PSD3: variants seen among roughly 807,000 people sequenced by gnomAD.
PSD3 encodes pleckstrin and Sec7 domain containing 3, also known as PH and SEC7 domain-containing protein 3.
In PSD3, 49 loss-of-function variants were observed where a neutral mutation model predicts 105.5. The observed-to-expected ratio is 0.46, with a 90% CI of 0.37 to 0.59. PSD3 has a LOEUF of 0.59. Among genes scored for constraint, PSD3 ranks in the 20% least tolerant of loss-of-function variants. The probability of loss-of-function intolerance (pLI) is 0.00; values close to 1 mark genes in which losing one functional copy is unlikely to be tolerated. For synonymous variants in PSD3, 557 were observed against 457.8 expected, an observed-to-expected ratio of 1.22 and a Z score of -2.77; for missense variants, 1,561 against 1,263.8, an observed-to-expected ratio of 1.24 and a Z score of -3.57.
At chr8:18,711,687 G>A (rs1802266813) in intron 9 of PSD3, among the ~76,000 whole-genome samples, 1 of 152,092 alleles carries the variant, frequency 6.6e-6, no homozygotes, top group Non-Finnish European at 1.5e-5. Flanking sequence ...AATGGGAGAT[G>A]TTAACACCCC....
At chr8:18,552,014 C>A (rs752462104) in intron 15 of PSD3, among the ~76,000 whole-genome samples, 1 of 152,158 alleles carries the variant, frequency 6.6e-6, no homozygotes. Flanking sequence ...AAGGACAAGA[C>A]CTGTCTTTCC....
intron 9 of PSD3, among the ~76,000 whole-genome samples, chr8:18,718,767 G>A (rs533089180): frequency 2.6e-3 from 398 of 152,212 alleles, no homozygotes; most frequent in Non-Finnish European, 4.7e-3. Flanking sequence ...GGAGGTCAAG[G>A]AAATTTTATA....
intron 9 of PSD3, among the ~76,000 whole-genome samples, chr8:18,671,685 G>GACT: frequency 6.6e-6 from 1 of 151,430 alleles, no homozygotes; most frequent in Non-Finnish European, 1.5e-5. Context: ...CAGGCTGGAG[G>GACT]GCAGTGCGCG....
chr8:18,751,743 A>G (rs1219427646), intron 9 of PSD3, among the ~76,000 whole-genome samples: 1 of 150,044 alleles, frequency 6.7e-6, no homozygotes, highest in Non-Finnish European at 1.5e-5. Flanking sequence ...TTTTTATCCC[A>G]TGCCGTACCT....
intron 2 of PSD3, among the ~76,000 whole-genome samples, chr8:18,898,028 G>A (rs1819266115): frequency 2.0e-5 from 3 of 152,138 alleles, no homozygotes; most frequent in African/African-American, 7.2e-5. Flanking sequence ...AAAGTTTGCA[G>A]CTTTCCCCAG....
chr8:18,560,272 G>C (rs1323180208), intron 14 of PSD3, among the ~76,000 whole-genome samples: 1 of 151,436 alleles, frequency 6.6e-6, no homozygotes, highest in African/African-American at 2.4e-5. Flanking sequence ...CGGGAGAGAG[G>C]CTGCAGCCAT....
chr8:18,775,256 C>G (rs1807940756), intron 8 of PSD3, among the ~76,000 whole-genome samples: 1 of 152,160 alleles, frequency 6.6e-6, no homozygotes, highest in African/African-American at 2.4e-5. Flanking sequence ...TATATCCATT[C>G]ATCTATAAAT....
intron 4 of PSD3, among the ~76,000 whole-genome samples, chr8:18,814,246 C>T (rs779818725): frequency 6.6e-6 from 1 of 152,198 alleles, no homozygotes; most frequent in Non-Finnish European, 1.5e-5. Context: ...GATTCTGCCC[C>T]CAGCCCCACC....
intron 15 of PSD3, among the ~76,000 whole-genome samples, chr8:18,539,469 T>C (rs747715972): frequency 6.6e-6 from 1 of 152,160 alleles, no homozygotes; most frequent in Non-Finnish European, 1.5e-5. Context: ...CTAAGACCGA[T>C]TGTGAAATTT....
intron 13 of PSD3, among the ~76,000 whole-genome samples, chr8:18,574,010 A>G (rs1372162289): frequency 6.6e-6 from 1 of 152,192 alleles, no homozygotes; most frequent in Non-Finnish European, 1.5e-5. Context: ...ATCTGATGTG[A>G]TCATATTTTT....
chr8:18,598,995 A>G (rs1804239263), intron 12 of PSD3, among the ~76,000 whole-genome samples: 1 of 152,146 alleles, frequency 6.6e-6, no homozygotes, highest in African/African-American at 2.4e-5. Context: ...TACATATTCA[A>G]TAAAATCCCT....
In PSD3 at chr8:18,947,585, C is replaced by T. The variant is rs543050161; in HGVS notation, c.22-11443G>A. 1.5e-4 allele frequency among the ~76,000 whole-genome samples: 23 copies of T among 152,238 alleles called. No individual in the cohort carries two copies. In the South Asian group the frequency reaches 3.9e-3, roughly 26 times the overall value. ...GGTGGCGGGGGGCCCAGAGCAGAGC[C>T]GCAGTGGCACGAGCTGGCTTCCATC... is the stretch of plus-strand genomic sequence containing the variant. On this transcript the variant is annotated intron_variant, in intron 1 of 15. Coordinates refer to ENST00000327040, the MANE Select transcript of PSD3 (RefSeq NM_015310.4).
chr8:18,914,642 A>C (rs1261050689), intron 2 of PSD3, among the ~76,000 whole-genome samples: 1 of 152,244 alleles, frequency 6.6e-6, no homozygotes. Context: ...ATACTTCAGA[A>C]TAAATCTGAC....
At chr8:18,748,138 G>A (rs1328407774) in intron 9 of PSD3, among the ~76,000 whole-genome samples, 1 of 151,918 alleles carries the variant, frequency 6.6e-6, no homozygotes, top group Non-Finnish European at 1.5e-5. Context: ...CCAGCTGGCT[G>A]CACTGGTTTT....
upstream of PSD3, among the ~76,000 whole-genome samples, chr8:19,016,459 T>C (rs1264614705): frequency 1.3e-5 from 2 of 152,212 alleles, no homozygotes; most frequent in Admixed American, 6.5e-5. Flanking sequence ...GCCCAGATTA[T>C]TGAATATTTA....
At chr8:19,051,232 C>T (rs1419458099) in intron 1 of PSD3, among the ~76,000 whole-genome samples, 1 of 151,280 alleles carries the variant, frequency 6.6e-6, no homozygotes, top group East Asian at 1.9e-4. Context: ...CATTCCTTCC[C>T]ATCTTTGCCT....
At chr8:18,678,161 C>G (rs1246792592) in intron 9 of PSD3, among the ~76,000 whole-genome samples, 1 of 152,096 alleles carries the variant, frequency 6.6e-6, no homozygotes, top group Non-Finnish European at 1.5e-5. Context: ...TTGTTTTTAT[C>G]TTTGCACTAC....
chr8:18,902,912 G>A (rs1819600821), intron 2 of PSD3, among the ~76,000 whole-genome samples: 2 of 152,162 alleles, frequency 1.3e-5, no homozygotes, highest in East Asian at 1.9e-4. Flanking sequence ...CTTAGATGAG[G>A]GGATTTCTCT....
At chr8:19,069,237 T>A (rs1829175480) in intron 1 of PSD3, among the ~76,000 whole-genome samples, 1 of 152,228 alleles carries the variant, frequency 6.6e-6, no homozygotes, top group African/African-American at 2.4e-5. Flanking sequence ...AGGGGAGTTT[T>A]AAAATCTAAT....
Sources: allele counts gnomAD v4.1 joint callset (sites outside exome capture counted in the v4.1 genomes callset), GRCh38; gene constraint gnomAD v4.1.1; transcripts MANE v1.5; gene names NCBI Gene and HGNC (gene_info 2026-07-23, HGNC 2026-07-21).